Variants in HS3ST4 observed in about 807,000 individuals in gnomAD.
HS3ST4 encodes heparan sulfate-glucosamine 3-sulfotransferase 4.
HS3ST4 carries 17 observed loss-of-function variants against 29.2 expected under a neutral mutation model. That is an observed-to-expected ratio of 0.58 (90% confidence interval 0.40 to 0.87). The LOEUF (loss-of-function observed/expected upper bound fraction) is 0.87, where lower values mean the gene tolerates loss of function less well. Ranked by LOEUF, HS3ST4 falls within the 40% of genes least tolerant of loss-of-function variation. The pLI, the probability that HS3ST4 is intolerant of heterozygous loss-of-function variation, is 0.00. For missense variants in HS3ST4, 627 were observed against 634.5 expected, an observed-to-expected ratio of 0.99 and a Z score of 0.13; for synonymous variants, 314 against 285.7, an observed-to-expected ratio of 1.10 and a Z score of -1.00.
intron 1 of HS3ST4, among the ~76,000 whole-genome samples, chr16:25,987,927 T>C (rs576023871): frequency 1.4e-3 from 207 of 152,222 alleles, no homozygotes; most frequent in African/African-American, 4.6e-3. Context: ...TGCGCCACCA[T>C]GCCTGGCTAA....
intron 1 of HS3ST4, among the ~76,000 whole-genome samples, chr16:25,848,391 C>A (rs1237153128): frequency 6.6e-6 from 1 of 152,122 alleles, no homozygotes; most frequent in Non-Finnish European, 1.5e-5. Context: ...CCGTCCGCCT[C>A]AGCCTCCCAA....
chr16:25,825,233 C>T (rs1967203376), intron 1 of HS3ST4, among the ~76,000 whole-genome samples: 1 of 152,202 alleles, frequency 6.6e-6, no homozygotes, highest in Non-Finnish European at 1.5e-5. Flanking sequence ...TAAGGATCCT[C>T]TCGTGAAACC....
At chr16:25,730,287 C>G (rs192638903) in intron 1 of HS3ST4, among the ~76,000 whole-genome samples, 6 of 152,232 alleles carry the variant, frequency 3.9e-5, no homozygotes, top group African/African-American at 1.4e-4. Context: ...AAAGTTGGTA[C>G]TAGAACAGCT....
chr16:26,122,890 CA>C (rs1240711748), intron 1 of HS3ST4, among the ~76,000 whole-genome samples: 1 of 152,020 alleles, frequency 6.6e-6, no homozygotes, highest in Admixed American at 6.5e-5. Flanking sequence ...CTCATCTCTA[CA>C]AAAAATACAA....
chr16:25,958,888 T>C (rs1238535321), intron 1 of HS3ST4, among the ~76,000 whole-genome samples: 1 of 152,194 alleles, frequency 6.6e-6, no homozygotes, highest in Non-Finnish European at 1.5e-5. Flanking sequence ...AAGCAGATGG[T>C]GCCAAGCCTT....
At chr16:25,984,859 C>G (rs1016573781) in intron 1 of HS3ST4, among the ~76,000 whole-genome samples, 1 of 152,166 alleles carries the variant, frequency 6.6e-6, no homozygotes, top group Admixed American at 6.5e-5. Flanking sequence ...GGGAGACATG[C>G]AACATGTTTC....
chr16:25,805,749 G>T (rs1269884967), intron 1 of HS3ST4, among the ~76,000 whole-genome samples: 2 of 152,012 alleles, frequency 1.3e-5, no homozygotes, highest in Non-Finnish European at 2.9e-5. Flanking sequence ...AGGGTGTGCA[G>T]GTTTGTTACA....
chr16:25,779,064 CA>C (rs1375436089), intron 1 of HS3ST4, among the ~76,000 whole-genome samples: 1 of 152,180 alleles, frequency 6.6e-6, no homozygotes, highest in African/African-American at 2.4e-5. Context: ...TTGTCTCTTA[CA>C]GCTGTGATTG....
intron 1 of HS3ST4, among the ~76,000 whole-genome samples, chr16:25,865,359 G>A (rs1967683656): frequency 6.6e-6 from 1 of 152,162 alleles, no homozygotes; most frequent in South Asian, 2.1e-4. Context: ...ACAGGTGTGA[G>A]GTGGTATTTC....
chr16:26,028,264 C>T (rs1482986151), intron 1 of HS3ST4, among the ~76,000 whole-genome samples: 1 of 112,886 alleles, frequency 8.9e-6, no homozygotes, highest in Non-Finnish European at 1.7e-5. Context: ...CAGAGTGAGA[C>T]ACCGTCTCAA....
intron 1 of HS3ST4, among the ~76,000 whole-genome samples, chr16:25,900,269 T>C (rs1968109147): frequency 6.6e-6 from 1 of 152,194 alleles, no homozygotes; most frequent in African/African-American, 2.4e-5. Flanking sequence ...GGATCCTTAA[T>C]CCCTATTGTT....
intron 1 of HS3ST4, among the ~76,000 whole-genome samples, chr16:26,046,623 G>A (rs572045352): frequency 6.0e-4 from 91 of 152,142 alleles, no homozygotes; most frequent in African/African-American, 2.2e-3. Flanking sequence ...TTGGCATCTT[G>A]GAAGATGTTT....
intron 1 of HS3ST4, among the ~76,000 whole-genome samples, chr16:26,112,811 T>C (rs1899149773): frequency 6.6e-6 from 1 of 152,098 alleles, no homozygotes. Context: ...ATTAAAGCAA[T>C]AGCACACATT....
At chr16:25,998,266 G>A (rs1398403363) in intron 1 of HS3ST4, among the ~76,000 whole-genome samples, 2 of 150,848 alleles carry the variant, frequency 1.3e-5, no homozygotes, top group Admixed American at 6.6e-5. Context: ...GGGCAACAAA[G>A]CAAGACCCTG....
intron 1 of HS3ST4, among the ~76,000 whole-genome samples, chr16:26,123,938 C>CTTTTTTTTTTTTTTTTT (rs35745665): frequency 6.8e-6 from 1 of 146,266 alleles, no homozygotes; most frequent in Non-Finnish European, 1.5e-5. Flanking sequence ...TGTTTTGAGA[C>CTTTTTTTTTTTTTTTTT]TTTTTTTTTT....
At position 25,754,201 on chromosome 16, in the gene HS3ST4, C is replaced by G. The variant is rs191279944; in HGVS notation, c.734+61050C>G. ...ATGAAATGAGCTTTGTATCTTCTAG[C>G]TAAGCTAGAACTTACATAAAGCCAG... On this transcript the variant is annotated intron_variant, in intron 1 of 1. Coordinates refer to ENST00000331351, the MANE Select transcript of HS3ST4 (RefSeq NM_006040.3). 2.6e-5 allele frequency among the ~76,000 whole-genome samples: 4 copies of G among 152,278 alleles called. No homozygotes were observed. In the East Asian group the frequency reaches 7.7e-4, roughly 29 times the overall value.
At chr16:26,036,404 C>A (rs1969583807) in intron 1 of HS3ST4, among the ~76,000 whole-genome samples, 1 of 152,186 alleles carries the variant, frequency 6.6e-6, no homozygotes, top group South Asian at 2.1e-4. Flanking sequence ...TTAGACGTGA[C>A]CCTGCCCAAT....
chr16:26,067,815 A>T (rs1310538969), intron 1 of HS3ST4, among the ~76,000 whole-genome samples: 2 of 152,158 alleles, frequency 1.3e-5, no homozygotes, highest in African/African-American at 4.8e-5. Context: ...TTCTCATGGT[A>T]GTGAATAAGT....
chr16:25,767,997 G>A (rs938134073), intron 1 of HS3ST4, among the ~76,000 whole-genome samples: 4 of 152,166 alleles, frequency 2.6e-5, no homozygotes, highest in African/African-American at 9.7e-5. Context: ...AACTCATGGT[G>A]GAGATGAGAA....
Sources: gnomAD v4.1 joint callset for allele counts (sites outside exome capture counted in the v4.1 genomes callset) on GRCh38, gnomAD v4.1.1 for gene constraint, MANE v1.5 for transcripts, NCBI Gene and HGNC (gene_info 2026-07-23, HGNC 2026-07-21) for gene names.